The following DSN1 variants were observed in gnomAD, a reference collection of about 807,000 sequenced individuals.
DSN1 encodes the protein kinetochore-associated protein DSN1 homolog.
A neutral mutation model predicts 45.7 loss-of-function variants in DSN1; 31 were observed. That is an observed-to-expected ratio of 0.68 (90% CI 0.51 to 0.92). The LOEUF is 0.92. DSN1 is among the 40% of genes least tolerant of loss of function. The probability of loss-of-function intolerance (pLI) is 0.00; values close to 1 mark genes in which losing one functional copy is unlikely to be tolerated. For synonymous variants in DSN1, 134 were observed against 142.3 expected, an observed-to-expected ratio of 0.94 and a Z score of 0.41; for missense variants, 394 against 414.2, an observed-to-expected ratio of 0.95 and a Z score of 0.42.
Position 36,773,689 on chromosome 20 carries a change from C to T in DSN1, c.-43G>A, listed in dbSNP as rs1474552815. 2.0e-6 allele frequency: 2 copies of T among 985,592 alleles called. No homozygotes were observed. The highest frequency in any genetic ancestry group is 2.4e-6 in the Non-Finnish European group (2 of 830,130). The allele number at this position is 985,592 out of a possible 1,614,324, so 61.1% of individuals were successfully genotyped here. A position where few individuals can be genotyped will look rare whatever the true frequency, so the allele number is the denominator to read the frequency against. On this transcript the variant is annotated 5_prime_UTR_variant, in exon 1 of 11. Coordinates refer to ENST00000373750, the MANE Select transcript of DSN1 (RefSeq NM_001145315.2). ...GAAACACAAGGCCACGGGTCGCTCT[C>T]CACAGCCCCAGGTCACTCCTGGACG...
intron 4 of DSN1, 104 bp from the exon 5 acceptor site, chr20:36,766,945 A>T (rs1389577132): frequency 1.4e-6 from 1 of 695,620 alleles, no homozygotes; most frequent in Non-Finnish European, 2.4e-6. Context: ...CTAAATACTA[A>T]ATATGATGTA....
Position 36,771,126 on chromosome 20 carries a change from C to T in DSN1, c.102G>A (p.Val34=). The change falls in exon 3 of 11, where the codon GTG becomes GTA. Residue 34 remains valine, a synonymous_variant. Coordinates refer to ENST00000373750, the MANE Select transcript of DSN1 (RefSeq NM_001145315.2). ...CCAGGGAGGCAGATGTTTTAGCAAA[C>T]ACTTCCACAGGACTGAGACTTGATT... ...QLESSLSPVE[V]FAKTSASLEM... The T allele has an allele frequency of 6.2e-7, 1 of 1,614,174 alleles. No homozygotes were observed. The highest frequency in any genetic ancestry group is 1.1e-5 in the South Asian group (1 of 91,082).
Position 36,758,550 on chromosome 20 carries a change from T to A in DSN1, c.650+8A>T, listed in dbSNP as rs370727038. On this transcript the variant is annotated splice_region_variant and intron_variant, in intron 7 of 10. Transcript: ENST00000373750. ...CGAATTTAGATTTTCTAACAAAGGT[T>A]AACTTACTTTGTTATGTATTCCTTC... is the stretch of plus-strand genomic sequence containing the variant. 1 of 1,596,566 alleles carries A rather than the reference T, an allele frequency of 6.3e-7. No individual in the cohort carries two copies. Among genetic ancestry groups the A allele is most frequent in the African/African-American group, 1.3e-5 (1 of 74,096 alleles).
chr20:36,767,327 CAAAG>C (rs907997364), intron 4 of DSN1, among the ~76,000 whole-genome samples: 1 of 151,448 alleles, frequency 6.6e-6, no homozygotes, highest in African/African-American at 2.4e-5. Context: ...AAAAAACAAA[CAAAG>C]AAAAAACAAA....
intron 8 of DSN1, 105 bp from the exon 9 acceptor site, chr20:36,755,934 C>G (rs1302258179): frequency 5.3e-6 from 7 of 1,308,910 alleles, no homozygotes; most frequent in Non-Finnish European, 4.2e-6. Context: ...CCACTCTACG[C>G]TAGCTATAGG....
intron 8 of DSN1, among the ~76,000 whole-genome samples, chr20:36,757,369 A>C (rs959395042): frequency 5.3e-5 from 8 of 151,942 alleles, no homozygotes; most frequent in African/African-American, 1.7e-4. Flanking sequence ...AAACAACAAA[A>C]AAACACCCAG....
At chr20:36,765,779 C>A (rs1284745432) in intron 5 of DSN1, among the ~76,000 whole-genome samples, 4 of 128,626 alleles carry the variant, frequency 3.1e-5, no homozygotes, top group Non-Finnish European at 6.2e-5. Flanking sequence ...GCCTGGGCGA[C>A]AGAGCGAGAG....
rs1987768415 is a variant in DSN1, at chr20:36,773,655, T to A, written c.-16+7A>T. On this transcript the variant is annotated splice_region_variant and intron_variant, in intron 1 of 10. Transcript: ENST00000373750. Reference sequence around the variant, plus strand: ...CCTGACGCCCGTCCAGTCCGGAACCTCCGTACCTGAAACACAAGGCCACGG... The same window carrying A: ...CCTGACGCCCGTCCAGTCCGGAACCACCGTACCTGAAACACAAGGCCACGG... The A allele has an allele frequency of 1.0e-6, 1 of 985,528 alleles. No individual in the cohort carries two copies. Among genetic ancestry groups the A allele is most frequent in the Non-Finnish European group, 1.2e-6 (1 of 830,076 alleles). The allele number at this position is 985,528 out of a possible 1,614,324, so 61.0% of individuals were successfully genotyped here.
At position 36,772,297 on chromosome 20, in the gene DSN1, G is replaced by GTT. The variant is rs57387645; in HGVS notation, c.-15-826_-15-825dup. On this transcript the variant is annotated intron_variant, in intron 1 of 10. Transcript: ENST00000373750. Reference sequence around the variant, plus strand: ...CGTCTCCAGTCTATTCTTTGTTTTTGTTTTTTTTTGAGGTGGAATCTCACT... The same window carrying GTT: ...CGTCTCCAGTCTATTCTTTGTTTTTGTTTTTTTTTTTGAGGTGGAATCTCACT... Among the ~76,000 whole-genome samples the GTT allele has an allele frequency of 8.7e-3, 1,299 of 149,780 alleles. 18 individuals carry two copies. The highest frequency in any genetic ancestry group is 0.026 in the African/African-American group (1,064 of 40,850).
At chr20:36,769,467 C>T (rs530119875) in intron 3 of DSN1, among the ~76,000 whole-genome samples, 2 of 152,322 alleles carry the variant, frequency 1.3e-5, no homozygotes, top group East Asian at 1.9e-4. Flanking sequence ...TAGGGCTAAT[C>T]TTGGGATGCA....
chr20:36,762,476 A>G lies in DSN1; in HGVS notation c.575T>C (p.Phe192Ser). ...LETDGTLQKC[F>S]EDSNGKASDF... ...CTGCTCTTACCCATTTGAATCTTCA[A>G]AACATTTTTGTAGAGTTCCATCAGT... The change falls in exon 6 of 11, where the codon TTT becomes TCT. Residue 192 changes from phenylalanine (F) to serine (S), a missense_variant. Physicochemically the swap from Phe to Ser is radical, Grantham distance 155. Transcript: ENST00000373750. The G allele has an allele frequency of 1.2e-6, 2 of 1,613,612 alleles. No individual in the cohort carries two copies. The highest frequency in any genetic ancestry group is 1.1e-5 in the South Asian group (1 of 90,994).
intron 8 of DSN1, among the ~76,000 whole-genome samples, chr20:36,757,002 C>A (rs1443392074): frequency 6.6e-6 from 1 of 152,128 alleles, no homozygotes; most frequent in Non-Finnish European, 1.5e-5. Flanking sequence ...GGGATTCTAG[C>A]TGATTCTATC....
chr20:36,767,892 G>A, intron 4 of DSN1, 77 bp downstream of exon 4: 1 of 1,434,946 alleles, frequency 7.0e-7, no homozygotes. Context: ...ACAGAGTCAG[G>A]CTCCATCTAA....
intron 5 of DSN1, among the ~76,000 whole-genome samples, chr20:36,765,956 G>T (rs1252728014): frequency 6.6e-6 from 1 of 151,496 alleles, no homozygotes; most frequent in Admixed American, 6.6e-5. Flanking sequence ...ACTTTAGGAG[G>T]CCAAGGCGGG....
chr20:36,772,972 A>G (rs966211267), intron 1 of DSN1, among the ~76,000 whole-genome samples: 2 of 152,226 alleles, frequency 1.3e-5, no homozygotes, highest in African/African-American at 4.8e-5. Flanking sequence ...CCTCCCTCCC[A>G]GCAGAAATCT....
intron 4 of DSN1, 93 bp downstream of exon 4, chr20:36,767,876 T>C (rs1339766951): frequency 5.4e-6 from 7 of 1,300,450 alleles, no homozygotes; most frequent in Non-Finnish European, 7.7e-6. Flanking sequence ...CACTCCAGCC[T>C]GGGTGACAGA....
intron 5 of DSN1, 93 bp from the exon 6 acceptor site, chr20:36,762,641 C>T: frequency 8.8e-7 from 1 of 1,132,828 alleles, no homozygotes; most frequent in South Asian, 1.6e-5. Context: ...AGTCTCAGCT[C>T]TAGGTACTGT....
chr20:36,758,051 G>C, intron 8 of DSN1, 36 bp downstream of exon 8: 1 of 1,579,518 alleles, frequency 6.3e-7, no homozygotes, highest in Non-Finnish European at 8.7e-7. Context: ...AACTCCATAA[G>C]ATTTTTAAAG....
At position 36,771,421 on chromosome 20, in the gene DSN1, T is replaced by C. The variant is rs369702387; in HGVS notation, c.34+4A>G. 2.7e-5 allele frequency: 44 copies of C among 1,613,450 alleles called. No individual in the cohort carries two copies. Among genetic ancestry groups the C allele is most frequent in the Non-Finnish European group, 3.5e-5 (41 of 1,179,568 alleles). On this transcript the variant is annotated splice_donor_region_variant and intron_variant, in intron 2 of 10. Coordinates refer to ENST00000373750, the MANE Select transcript of DSN1 (RefSeq NM_001145315.2). Reference sequence around the variant, plus strand: ...GAGGTACTGAATTTCACTACAATACTTACCATCTATGATCTCTGATCTAGT... The same window carrying C: ...GAGGTACTGAATTTCACTACAATACCTACCATCTATGATCTCTGATCTAGT...
Sources: gnomAD v4.1 joint callset for allele counts (sites outside exome capture counted in the v4.1 genomes callset) on GRCh38, gnomAD v4.1.1 for gene constraint, MANE v1.5 for transcripts, NCBI Gene and HGNC (gene_info 2026-07-23, HGNC 2026-07-21) for gene names.